Variants in CLDN16 observed in about 807,000 individuals in gnomAD.
CLDN16 encodes the protein claudin-16.
In CLDN16, 13 loss-of-function variants were observed where a neutral mutation model predicts 24.6. The observed-to-expected ratio is 0.53, with a 90% CI of 0.34 to 0.84. CLDN16 has a LOEUF of 0.84. Ranked by LOEUF, CLDN16 falls within the 40% of genes least tolerant of loss-of-function variation. The pLI is 0.01. For synonymous variants in CLDN16, 116 were observed against 106.7 expected (o/e 1.09, Z -0.54); for missense variants, 298 against 292.7 (o/e 1.02, Z -0.13).
At chr3:190,371,455 C>T (rs768182485) in intron 2 of CLDN16, among the ~76,000 whole-genome samples, 1 of 151,870 alleles carries the variant, frequency 6.6e-6, no homozygotes, top group Non-Finnish European at 1.5e-5. Flanking sequence ...GGAACAAGTG[C>T]ATCTCTATTA....
At chr3:190,309,003 G>C in the CLDN16 span, among the ~76,000 whole-genome samples, 1 of 152,132 alleles carries the variant, frequency 6.6e-6, no homozygotes, top group Non-Finnish European at 1.5e-5. Context: ...CACTTAGGGT[G>C]GGGTATCTGT....
intron 1 of CLDN16, among the ~76,000 whole-genome samples, chr3:190,357,919 A>G: frequency 6.6e-6 from 1 of 151,856 alleles, no homozygotes; most frequent in East Asian, 1.9e-4. Flanking sequence ...TTCTGCCACA[A>G]TTTGTAAATT....
At chr3:190,312,406 C>T in the CLDN16 span, among the ~76,000 whole-genome samples, 60 of 152,158 alleles carry the variant, frequency 3.9e-4, no homozygotes, top group Non-Finnish European at 7.2e-4. Flanking sequence ...TGTTTATTCT[C>T]GAATTAGATC....
chr3:190,376,864 A>G (rs1333099606), intron 3 of CLDN16, among the ~76,000 whole-genome samples: 1 of 151,960 alleles, frequency 6.6e-6, no homozygotes, highest in Non-Finnish European at 1.5e-5. Flanking sequence ...AATTTTAAGA[A>G]ATGGCAATGC....
At chr3:190,356,630 T>A (rs1212937567) in intron 1 of CLDN16, among the ~76,000 whole-genome samples, 3 of 151,916 alleles carry the variant, frequency 2.0e-5, no homozygotes, top group Admixed American at 2.0e-4. Context: ...AAAGCTGGCA[T>A]TTAAAAGCAG....
At chr3:190,339,285 T>G (rs192657043) in intron 1 of CLDN16, among the ~76,000 whole-genome samples, 22 of 152,344 alleles carry the variant, frequency 1.4e-4, no homozygotes, top group Admixed American at 5.2e-4. Flanking sequence ...TGGGCCTAAC[T>G]CAATTACATG....
the CLDN16 span, chr3:190,312,797 G>T: frequency 1.3e-6 from 2 of 1,532,892 alleles, no homozygotes; most frequent in Non-Finnish European, 1.8e-6. Context: ...CAAGTATAAT[G>T]AATCCAACGT....
the CLDN16 span, among the ~76,000 whole-genome samples, chr3:190,297,542 G>C: frequency 1.3e-3 from 180 of 136,106 alleles, 1 homozygote; most frequent in Non-Finnish European, 2.2e-3. Context: ...TAGATATATA[G>C]ATAATAATAT....
chr3:190,386,951 TG>T (rs1349349392), upstream of CLDN16, among the ~76,000 whole-genome samples: 3 of 152,180 alleles, frequency 2.0e-5, no homozygotes, highest in African/African-American at 7.2e-5. Flanking sequence ...AATTTTCAAA[TG>T]GAAAAAAGTA....
upstream of CLDN16, among the ~76,000 whole-genome samples, chr3:190,384,795 G>T (rs1026007255): frequency 6.6e-6 from 1 of 152,124 alleles, no homozygotes; most frequent in Non-Finnish European, 1.5e-5. Flanking sequence ...AGAATTTTAA[G>T]CATGTGGGAT....
the CLDN16 span, among the ~76,000 whole-genome samples, chr3:190,290,434 G>A: frequency 6.6e-5 from 10 of 152,224 alleles, no homozygotes; most frequent in South Asian, 6.2e-4. Context: ...AAAGAATTAG[G>A]TTTAGTCTAA....
At chr3:190,346,457 T>C (rs1020266947) in intron 1 of CLDN16, among the ~76,000 whole-genome samples, 4 of 152,210 alleles carry the variant, frequency 2.6e-5, no homozygotes, top group African/African-American at 9.6e-5. Context: ...TCTAGATTCA[T>C]AATGATGCTG....
the CLDN16 span, chr3:190,308,109 G>T: frequency 1.3e-6 from 1 of 772,322 alleles, no homozygotes; most frequent in Non-Finnish European, 2.2e-6. Flanking sequence ...ATTAAGCCAT[G>T]TTTAGCACTG....
intron 1 of CLDN16, among the ~76,000 whole-genome samples, chr3:190,390,590 C>A (rs1175763339): frequency 6.6e-6 from 1 of 152,144 alleles, no homozygotes; most frequent in Non-Finnish European, 1.5e-5. Context: ...TCTCTTTCAA[C>A]AATCTCTTTA....
At chr3:190,383,018 A>G (rs1718405365) in intron 3 of CLDN16, among the ~76,000 whole-genome samples, 1 of 152,104 alleles carries the variant, frequency 6.6e-6, no homozygotes, top group African/African-American at 2.4e-5. Context: ...TTAAATTAGA[A>G]TCATTTCTGA....
At chr3:190,322,307 G>A (rs1257564760), upstream of CLDN16, 1 of 1,083,896 alleles carries the variant, frequency 9.2e-7, no homozygotes, top group Non-Finnish European at 1.4e-6. Context: ...TGGGCCCCGC[G>A]GAGGAAGTTA....
intron 1 of CLDN16, among the ~76,000 whole-genome samples, chr3:190,346,945 A>G (rs570016656): frequency 2.4e-4 from 37 of 152,120 alleles, no homozygotes; most frequent in Non-Finnish European, 4.7e-4. Context: ...AAAAGCTCCT[A>G]TTTCCAAATA....
chr3:190,329,526 G>C (rs1717138725), intron 1 of CLDN16, among the ~76,000 whole-genome samples: 2 of 152,094 alleles, frequency 1.3e-5, no homozygotes, highest in Admixed American at 6.5e-5. Flanking sequence ...TCTTTCCTGA[G>C]GGATTTTCAA....
chr3:190,294,956 T>C, the CLDN16 span, among the ~76,000 whole-genome samples: 2 of 152,162 alleles, frequency 1.3e-5, no homozygotes, highest in Non-Finnish European at 2.9e-5. Flanking sequence ...GTTAGTCTTT[T>C]CTAGCTTTAT....
Sources: gnomAD v4.1 joint callset for allele counts (sites outside exome capture counted in the v4.1 genomes callset) on GRCh38, gnomAD v4.1.1 for gene constraint, MANE v1.5 for transcripts, NCBI Gene and HGNC (gene_info 2026-07-23, HGNC 2026-07-21) for gene names.